COLQ: variants seen among roughly 807,000 people sequenced by gnomAD.
The protein encoded by COLQ is acetylcholinesterase collagenic tail peptide.
COLQ carries 48 observed loss-of-function variants against 69.0 expected under a neutral mutation model. The ratio of observed to expected loss-of-function variants is 0.70; its 90% CI spans 0.55 to 0.88. COLQ has a LOEUF of 0.88. Among genes scored for constraint, COLQ ranks in the 40% least tolerant of loss-of-function variants. The pLI is 0.00. For missense variants in COLQ, 618 were observed against 594.6 expected (o/e 1.04, Z -0.41); for synonymous variants, 217 against 211.2 (o/e 1.03, Z -0.24).
At chr3:15,466,919 A>G (rs2062208888) in intron 11 of COLQ, among the ~76,000 whole-genome samples, 2 of 152,100 alleles carry the variant, frequency 1.3e-5, no homozygotes, top group South Asian at 4.1e-4. Flanking sequence ...CTCTGCCCCA[A>G]AATCTCTTCC....
chr3:15,478,570 A>C (rs776380842), intron 5 of COLQ: 70 of 270,794 alleles, frequency 2.6e-4, no homozygotes, highest in Admixed American at 1.0e-3. Flanking sequence ...AAAAAGCAAA[A>C]GCCATTTGTT....
chr3:15,517,633 T>C (rs988901067), intron 1 of COLQ, among the ~76,000 whole-genome samples: 4 of 152,090 alleles, frequency 2.6e-5, no homozygotes, highest in Non-Finnish European at 4.4e-5. Flanking sequence ...CACAAACACA[T>C]GAACTTCAAC....
chr3:15,503,457 G>A (rs1371171682), intron 1 of COLQ, among the ~76,000 whole-genome samples: 2 of 152,180 alleles, frequency 1.3e-5, no homozygotes, highest in Non-Finnish European at 2.9e-5. Context: ...CTGCACCCCT[G>A]AATGCCAGAA....
At chr3:15,481,793 A>G (rs935321719) in intron 3 of COLQ, among the ~76,000 whole-genome samples, 1 of 152,186 alleles carries the variant, frequency 6.6e-6, no homozygotes, top group African/African-American at 2.4e-5. Flanking sequence ...GAATCTATAA[A>G]TTACCTTGGG....
Position 15,451,708 on chromosome 3 carries a change from T to C in COLQ, c.1304A>G (p.Tyr435Cys), listed in dbSNP as rs1275298058. 6.2e-7 allele frequency: 1 copy of C among 1,613,816 alleles called. No homozygotes were observed. The highest frequency in any genetic ancestry group is 1.7e-5 in the Admixed American group (1 of 60,030). The change falls in exon 17 of 17, where the codon TAT (tyrosine) becomes TGT (cysteine). Residue 435 changes from tyrosine to cysteine, a missense_variant. By Grantham distance (194) the Tyr-to-Cys change is radical. Transcript: ENST00000383788. Reference sequence around the variant, plus strand: ...GTACTGGGTGCATTGCAGGTCTCCATATGACCTGAGGGAGGCAAAGACACG... The same window carrying C: ...GTACTGGGTGCATTGCAGGTCTCCACATGACCTGAGGGAGGCAAAGACACG... The part of the protein sequence containing the change: ...LTCETYLPGS[Y>C]GDLQCTQYCY...
chr3:15,452,911 G>C (rs918190494), intron 16 of COLQ, among the ~76,000 whole-genome samples: 1 of 152,212 alleles, frequency 6.6e-6, no homozygotes, highest in Non-Finnish European at 1.5e-5. Context: ...CCCTGCCAAG[G>C]GCCCAGGTCC....
At position 15,521,630 on chromosome 3, in the gene COLQ, G is replaced by T. The variant is rs757606818; in HGVS notation, c.-5C>A. On this transcript the variant is annotated 5_prime_UTR_variant, in exon 1 of 17. Transcript: ENST00000383788. ...CATTGGATTCAGGACAACCATGCTG[G>T]CCAGGGTCTGGCGAGGGTCAAGTTA... The T allele has an allele frequency of 6.2e-6, 10 of 1,614,008 alleles. No individual in the cohort carries two copies. In the East Asian group the frequency reaches 2.0e-4, roughly 32 times the overall value.
chr3:15,470,193 A>G (rs949884667), intron 11 of COLQ, among the ~76,000 whole-genome samples: 2 of 152,244 alleles, frequency 1.3e-5, no homozygotes, highest in Non-Finnish European at 2.9e-5. Flanking sequence ...TGTCTGGGAC[A>G]TTGAAGCATA....
Position 15,463,101 on chromosome 3 carries a change from A to T in COLQ, c.814+3240T>A, listed in dbSNP as rs1472712447. 8.5e-5 allele frequency among the ~76,000 whole-genome samples: 13 copies of T among 152,244 alleles called. No homozygotes were observed. In the East Asian group the frequency reaches 2.3e-3, roughly 27 times the overall value. On this transcript the variant is annotated intron_variant, in intron 12 of 16. Transcript: ENST00000383788. ...AGACAGACAAGACAAGAGAAACAGC[A>T]GGCACCAAGAAGCTGCTGACAGCTC...
At chr3:15,494,997 A>G (rs1399550774) in intron 1 of COLQ, among the ~76,000 whole-genome samples, 1 of 152,176 alleles carries the variant, frequency 6.6e-6, no homozygotes, top group African/African-American at 2.4e-5. Context: ...TTACAGATCC[A>G]TTAACTGAGG....
At chr3:15,451,868 TCTCTGGGATTTTTGCCTTGAGGTCTAG>T (rs1339597667) in intron 16 of COLQ, among the ~76,000 whole-genome samples, 155 bp from the exon 17 acceptor site, 1 of 152,170 alleles carries the variant, frequency 6.6e-6, no homozygotes, top group Non-Finnish European at 1.5e-5. Context: ...TTGAATCATG[TCTCTGGGATTTTTGCCTTGAGGTCTAG>T]CTCGGGGCCT....
At chr3:15,456,157 CT>C in intron 14 of COLQ, 138 bp from the exon 15 acceptor site, 1 of 1,086,136 alleles carries the variant, frequency 9.2e-7, no homozygotes. Context: ...AAAGGTACTC[CT>C]TTCCTGTTGC....
intron 12 of COLQ, among the ~76,000 whole-genome samples, chr3:15,461,303 G>A (rs1308120093): frequency 1.3e-5 from 2 of 151,436 alleles, no homozygotes; most frequent in East Asian, 3.9e-4. Context: ...ACCAGAAACC[G>A]AGGTCACCTC....
At chr3:15,465,901 C>T (rs13059607) in intron 12 of COLQ, among the ~76,000 whole-genome samples, 66,222 of 152,032 alleles carry the variant, frequency 0.44, 14,711 homozygotes, top group East Asian at 0.61. Context: ...CACCCATGCC[C>T]AGCCTCTTTC....
chr3:15,470,682 T>C, intron 10 of COLQ, 66 bp from the exon 11 acceptor site: 1 of 1,430,078 alleles, frequency 7.0e-7, no homozygotes, highest in Non-Finnish European at 9.9e-7. Context: ...TCTACACAGG[T>C]CTAGCCAGTC....
At chr3:15,479,222 C>G in intron 4 of COLQ, 116 bp downstream of exon 4, 1 of 1,239,356 alleles carries the variant, frequency 8.1e-7, no homozygotes, top group South Asian at 1.2e-5. Flanking sequence ...AGCCTCTCAC[C>G]AAGGCAGAGT....
intron 7 of COLQ, 108 bp downstream of exon 7, chr3:15,475,317 A>C (rs955375246): frequency 3.6e-6 from 4 of 1,109,124 alleles, no homozygotes; most frequent in African/African-American, 3.1e-5. Flanking sequence ...TATCCGCGAC[A>C]TTCCCTAGTC....
intron 12 of COLQ, among the ~76,000 whole-genome samples, chr3:15,466,026 A>G (rs2062194668): frequency 6.6e-6 from 1 of 152,242 alleles, no homozygotes; most frequent in Non-Finnish European, 1.5e-5. Flanking sequence ...TGACACTTTT[A>G]TCTAGAAAAA....
intron 16 of COLQ, among the ~76,000 whole-genome samples, chr3:15,452,192 G>A (rs1265127052): frequency 6.6e-6 from 1 of 151,464 alleles, no homozygotes; most frequent in Admixed American, 6.6e-5. Flanking sequence ...TCAGCTTCCT[G>A]AGTACCTGGG....
Sources: allele counts gnomAD v4.1 joint callset (sites outside exome capture counted in the v4.1 genomes callset), GRCh38; gene constraint gnomAD v4.1.1; transcripts MANE v1.5; gene names NCBI Gene and HGNC (gene_info 2026-07-23, HGNC 2026-07-21).